The following DEGS2 variants were observed in gnomAD, a reference collection of about 807,000 sequenced individuals.
DEGS2 encodes the protein sphingolipid delta(4)-desaturase/C4-monooxygenase DES2.
In DEGS2, 19 loss-of-function variants were observed where a neutral mutation model predicts 23.8. That is an observed-to-expected ratio of 0.80 (90% CI 0.56 to 1.17). The LOEUF (loss-of-function observed/expected upper bound fraction) is 1.17, where lower values mean the gene tolerates loss of function less well. Among genes scored for constraint, DEGS2 ranks in the 50% most tolerant of loss-of-function variants. The probability of loss-of-function intolerance (pLI) is 0.00; values close to 1 mark genes in which losing one functional copy is unlikely to be tolerated. For missense variants in DEGS2, 390 were observed against 459.5 expected, an observed-to-expected ratio of 0.85 and a Z score of 1.38; for synonymous variants, 218 against 213.7, an observed-to-expected ratio of 1.02 and a Z score of -0.18.
rs559364726 is a variant in DEGS2 at position 100,149,466 on chromosome 14, G to A, written c.327C>T (p.Ala109=). ...TGRAARNRWL[A]VFANLPVGVP... Reference sequence around the variant, plus strand: ...CACCCACGGGCAGGTTGGCGAACACGGCCAGCCAGCGGTTGCGTGCCGCAC... The same window carrying A: ...CACCCACGGGCAGGTTGGCGAACACAGCCAGCCAGCGGTTGCGTGCCGCAC... Residue 109 remains alanine (A), a synonymous_variant, in exon 2 of 3, where the codon GCC becomes GCT. Coordinates refer to ENST00000305631, the MANE Select transcript of DEGS2 (RefSeq NM_206918.3). The A allele has an allele frequency of 1.0e-5, 16 of 1,595,740 alleles. No homozygotes were observed. Among genetic ancestry groups the A allele is most frequent in the Admixed American group, 6.8e-5 (4 of 58,422 alleles).
At chr14:100,166,313 GAGCCTGCCC>G in the DEGS2 span, among the ~76,000 whole-genome samples, 1 of 72,862 alleles carries the variant, frequency 1.4e-5, no homozygotes, top group African/African-American at 7.4e-5. Context: ...GGCTGTGGGG[GAGCCTGCCC>G]GGGGCTGTGG....
chr14:100,160,804 T>G (rs896012458), upstream of DEGS2, among the ~76,000 whole-genome samples: 9 of 152,118 alleles, frequency 5.9e-5, no homozygotes, highest in African/African-American at 2.2e-4. Context: ...AAGGCATGGG[T>G]GTCCTGCAGC....
chr14:100,155,152 T>G (rs1889638064), intron 1 of DEGS2, among the ~76,000 whole-genome samples: 1 of 152,210 alleles, frequency 6.6e-6, no homozygotes, highest in Admixed American at 6.5e-5. Context: ...TGCCGCCACC[T>G]GCTTCCCAGC....
chr14:100,150,385 A>ACCCCCCCCC (rs1400260038), intron 1 of DEGS2, among the ~76,000 whole-genome samples: 1 of 76,558 alleles, frequency 1.3e-5, no homozygotes, highest in African/African-American at 4.8e-5. Context: ...TCCCACCCCA[A>ACCCCCCCCC]CACCCCCCCC....
chr14:100,165,721 C>G, the DEGS2 span, among the ~76,000 whole-genome samples: 1 of 151,998 alleles, frequency 6.6e-6, no homozygotes, highest in Non-Finnish European at 1.5e-5. Flanking sequence ...TGGCCAGGTT[C>G]CCCAAGGCTC....
At position 100,145,690 on chromosome 14, in the gene DEGS2, C is replaced by T. The variant is rs1025679178; in HGVS notation, c.*1071G>A. The stretch of plus-strand genomic sequence containing the variant: ...CTCTGGCAGGGAGGGCCTCCTCGCT[C>T]AGGCACCCCTCCTGCTGCCTGCCCA... On this transcript the variant is annotated 3_prime_UTR_variant, in exon 3 of 3. Coordinates refer to ENST00000305631, the MANE Select transcript of DEGS2 (RefSeq NM_206918.3). The T allele has an allele frequency of 2.0e-5, 3 of 152,256 alleles. No homozygotes were observed. The highest frequency in any genetic ancestry group is 7.2e-5 in the African/African-American group (3 of 41,432). 9.4% of individuals were successfully genotyped at this position (152,256 alleles called of 1,614,324 possible).
chr14:100,150,748 G>A (rs1055662912), intron 1 of DEGS2, among the ~76,000 whole-genome samples: 4 of 152,166 alleles, frequency 2.6e-5, no homozygotes, highest in South Asian at 2.1e-4. Context: ...TGCCCTTCCC[G>A]CTTTCCTCAG....
rs1889428541 is a variant in DEGS2, at chr14:100,145,550, C to T, written c.*1211G>A. 1 of 152,290 alleles carries T rather than the reference C, an allele frequency of 6.6e-6. No individual in the cohort carries two copies. The highest frequency in any genetic ancestry group is 2.4e-5 in the African/African-American group (1 of 41,452). 9.4% of individuals were successfully genotyped at this position (152,290 alleles called of 1,614,324 possible). A position where few individuals can be genotyped will look rare whatever the true frequency, so the allele number is the denominator to read the frequency against. On this transcript the variant is annotated 3_prime_UTR_variant, in exon 3 of 3. Coordinates refer to ENST00000305631, the MANE Select transcript of DEGS2 (RefSeq NM_206918.3). ...CCCCACTCATGGAGAGGCCTTCAAG[C>T]CCTGACTGTAGCCTCAGTCTCCATT... is the stretch of plus-strand genomic sequence containing the variant.
the DEGS2 span, among the ~76,000 whole-genome samples, chr14:100,166,330 T>TGGGGGGAGCCTGCCCGGGGCTGTG: frequency 3.1e-5 from 1 of 32,226 alleles, no homozygotes; most frequent in Non-Finnish European, 5.6e-5. Context: ...CCCGGGGCTG[T>TGGGGGGAGCCTGCCCGGGGCTGTG]GGGGGAGCCT....
chr14:100,166,070 T>C, the DEGS2 span, among the ~76,000 whole-genome samples: 3 of 12,734 alleles, frequency 2.4e-4, no homozygotes, highest in Admixed American at 1.2e-3. Context: ...GGAGCCTGTC[T>C]GGGGGAGTTG....
the DEGS2 span, among the ~76,000 whole-genome samples, chr14:100,166,011 G>A: frequency 1.8e-5 from 1 of 54,788 alleles, no homozygotes; most frequent in Non-Finnish European, 4.4e-5. Flanking sequence ...CGGGAGAGTG[G>A]GGGGAGCCTG....
At chr14:100,165,610 G>A in the DEGS2 span, among the ~76,000 whole-genome samples, 2 of 152,196 alleles carry the variant, frequency 1.3e-5, no homozygotes, top group African/African-American at 4.8e-5. Context: ...CCCCGCCTGC[G>A]CCGCCTGGTG....
rs765100971 is a variant in DEGS2 at position 100,149,116 on chromosome 14, G to A, written c.677C>T (p.Ser226Leu). 15 of 1,612,910 alleles carry A rather than the reference G, an allele frequency of 9.3e-6. No homozygotes were observed. Among genetic ancestry groups the A allele is most frequent in the Middle Eastern group, 1.6e-4 (1 of 6,084 alleles). The change falls in exon 2 of 3, where the codon TCG (serine) becomes TTG (leucine). Residue 226 changes from serine (S) to leucine (L), a missense_variant. Transcript: ENST00000305631. ...GTAGTGCTCGGCCACGAAGTGGCCC[G>A]AGATGGGGTGCAGGCCCAGGCCCAG... is the stretch of plus-strand genomic sequence containing the variant. ...SFLGLGLHPI[S>L]GHFVAEHYMF... is the part of the protein sequence containing the mutation.
chr14:100,152,715 T>G (rs564659272), intron 1 of DEGS2, among the ~76,000 whole-genome samples: 1 of 152,184 alleles, frequency 6.6e-6, no homozygotes, highest in South Asian at 2.1e-4. Flanking sequence ...AATATCATAC[T>G]GAGGGTTCCA....
Position 100,149,369 on chromosome 14 carries a change from C to T in DEGS2, c.424G>A (p.Val142Met), listed in dbSNP as rs375312215. 9.8e-5 allele frequency: 158 copies of T among 1,606,302 alleles called. No individual in the cohort carries two copies. Among genetic ancestry groups the T allele is most frequent in the African/African-American group, 5.6e-4 (42 of 74,948 alleles). The change falls in exon 2 of 3, where the codon GTG becomes ATG. Residue 142 changes from valine (V) to methionine (M), a missense_variant. Val to Met is a conservative substitution (Grantham distance 21, BLOSUM62 1). Coordinates refer to ENST00000305631, the MANE Select transcript of DEGS2 (RefSeq NM_206918.3). ...CCCTCCAGACGCGTGGGCACGTCCA[C>T]GTCCAGCCCGTCGCCGCCCAGGTAG... ...HRYLGGDGLD[V>M]DVPTRLEGWF...
upstream of DEGS2, chr14:100,160,287 C>G (rs1889731151): frequency 1.3e-5 from 2 of 152,228 alleles, no homozygotes; most frequent in Non-Finnish European, 2.9e-5. Flanking sequence ...ACAGAAGTGG[C>G]TGTTATGATT....
At position 100,145,292 on chromosome 14, in the gene DEGS2, T is replaced by TC. The variant is rs1889421096; in HGVS notation, c.*1468dup. 1 of 152,118 alleles carries TC rather than the reference T, an allele frequency of 6.6e-6. No homozygotes were observed. The allele number at this position is 152,118 out of a possible 1,614,324, so 9.4% of individuals were successfully genotyped here. On this transcript the variant is annotated 3_prime_UTR_variant, in exon 3 of 3. Coordinates refer to ENST00000305631, the MANE Select transcript of DEGS2 (RefSeq NM_206918.3). ...AGCAGGAGGAGCGGGTGCTCTGGGT[T>TC]CCCCTCAGCCTGTGGGCGGGCCTGT...
rs1889415570 is a variant in DEGS2 at position 100,145,114 on chromosome 14, C to T, written c.*1647G>A. Reference sequence around the variant, plus strand: ...CAGGCCAGGAGGGCTCCCCCCAAGGCCAGGAGTCTCCCCAGGAGCGCTCAA... The same window carrying T: ...CAGGCCAGGAGGGCTCCCCCCAAGGTCAGGAGTCTCCCCAGGAGCGCTCAA... On this transcript the variant is annotated 3_prime_UTR_variant, in exon 3 of 3. Transcript: ENST00000305631. The T allele has an allele frequency of 6.6e-6, 1 of 152,542 alleles. No individual in the cohort carries two copies. Among genetic ancestry groups the T allele is most frequent in the South Asian group, 2.1e-4 (1 of 4,832 alleles). The allele number at this position is 152,542 out of a possible 1,614,324, so 9.4% of individuals were successfully genotyped here. A position where few individuals can be genotyped will look rare whatever the true frequency, so the allele number is the denominator to read the frequency against.
In DEGS2 at chr14:100,146,633, G is replaced by A. The variant is rs116484520; in HGVS notation, c.*128C>T. 7,045 of 1,367,102 alleles carry A rather than the reference G, an allele frequency of 5.2e-3. 299 individuals carry two copies. The African/African-American group carries it at 0.089, about 17-fold the overall frequency. The allele number at this position is 1,367,102 out of a possible 1,614,324, so 84.7% of individuals were successfully genotyped here. A position where few individuals can be genotyped will look rare whatever the true frequency, so the allele number is the denominator to read the frequency against. Reference sequence around the variant, plus strand: ...CACTGCTGTTGCCAGGTGTGGCTGCGCGGGACACTCCTCGGGGACAAGGGC... The same window carrying A: ...CACTGCTGTTGCCAGGTGTGGCTGCACGGGACACTCCTCGGGGACAAGGGC... On this transcript the variant is annotated 3_prime_UTR_variant, in exon 3 of 3. Coordinates refer to ENST00000305631, the MANE Select transcript of DEGS2 (RefSeq NM_206918.3).
Sources: gnomAD v4.1 joint callset for allele counts (sites outside exome capture counted in the v4.1 genomes callset) on GRCh38, gnomAD v4.1.1 for gene constraint, MANE v1.5 for transcripts, NCBI Gene and HGNC (gene_info 2026-07-23, HGNC 2026-07-21) for gene names.